LHFPL2: variants seen among roughly 807,000 people sequenced by gnomAD.
The protein encoded by LHFPL2 is LHFPL tetraspan subfamily member 2 protein.
Under a neutral mutation model 17.5 loss-of-function variants are expected in LHFPL2, and 7 were observed. The observed-to-expected ratio is 0.40, with a 90% CI of 0.23 to 0.75. LHFPL2 has a LOEUF of 0.75. LHFPL2 is among the 30% of genes least tolerant of loss of function. The probability of loss-of-function intolerance (pLI) is 0.37; values close to 1 mark genes in which losing one functional copy is unlikely to be tolerated. For synonymous variants in LHFPL2, 134 were observed against 116.2 expected, an observed-to-expected ratio of 1.15 and a Z score of -0.99; for missense variants, 241 against 294.8, an observed-to-expected ratio of 0.82 and a Z score of 1.34.
chr5:78,599,941 C>T (rs565675054), intron 2 of LHFPL2, among the ~76,000 whole-genome samples: 1 of 152,216 alleles, frequency 6.6e-6, no homozygotes, highest in Admixed American at 6.5e-5. Flanking sequence ...AGTCAAATCT[C>T]TGACTACAAG....
chr5:78,640,587 C>G (rs137867825), intron 1 of LHFPL2, among the ~76,000 whole-genome samples: 8 of 152,322 alleles, frequency 5.3e-5, no homozygotes, highest in African/African-American at 1.7e-4. Flanking sequence ...AACCAAAATA[C>G]TTCCCCAGCT....
intron 2 of LHFPL2, among the ~76,000 whole-genome samples, chr5:78,588,377 A>G (rs894738777): frequency 1.3e-5 from 2 of 152,222 alleles, no homozygotes; most frequent in African/African-American, 2.4e-5. Context: ...CTTTAAAAAA[A>G]TTTCTGAACT....
At chr5:78,494,552 T>C in intron 4 of LHFPL2, 5 of 984,026 alleles carry the variant, frequency 5.1e-6, no homozygotes, top group Non-Finnish European at 6.0e-6. Flanking sequence ...AAAAAACAAA[T>C]GAAAAGCTGA....
intron 2 of LHFPL2, among the ~76,000 whole-genome samples, chr5:78,594,055 A>G (rs1743740698): frequency 6.6e-6 from 1 of 152,246 alleles, no homozygotes; most frequent in Non-Finnish European, 1.5e-5. Flanking sequence ...GTACTATTTT[A>G]TGCACTGACA....
intron 1 of LHFPL2, among the ~76,000 whole-genome samples, chr5:78,639,299 T>C (rs886195518): frequency 1.3e-5 from 2 of 152,188 alleles, no homozygotes; most frequent in African/African-American, 2.4e-5. Context: ...CATGCTGCCC[T>C]TTCTTTACAA....
At chr5:78,509,066 T>TTC (rs1755022315) in intron 4 of LHFPL2, among the ~76,000 whole-genome samples, 1 of 152,206 alleles carries the variant, frequency 6.6e-6, no homozygotes, top group Non-Finnish European at 1.5e-5. Flanking sequence ...GCTCACAACC[T>TTC]TCTCCCTGGG....
At chr5:78,616,692 G>A (rs1744627024) in intron 2 of LHFPL2, among the ~76,000 whole-genome samples, 1 of 152,130 alleles carries the variant, frequency 6.6e-6, no homozygotes, top group Admixed American at 6.5e-5. Flanking sequence ...CCTTTGCTAG[G>A]AGAGAACTAT....
chr5:78,579,144 A>G (rs1757214605), intron 2 of LHFPL2, among the ~76,000 whole-genome samples: 1 of 152,190 alleles, frequency 6.6e-6, no homozygotes, highest in South Asian at 2.1e-4. Flanking sequence ...TAAGCAAAGC[A>G]AAACACCCTC....
intron 2 of LHFPL2, among the ~76,000 whole-genome samples, chr5:78,615,737 T>C (rs915576577): frequency 1.3e-5 from 2 of 152,168 alleles, no homozygotes; most frequent in Non-Finnish European, 2.9e-5. Context: ...TAAGAACCTA[T>C]ACTATCATAA....
At chr5:78,638,043 GT>G (rs768718087) in intron 1 of LHFPL2, among the ~76,000 whole-genome samples, 24 of 152,166 alleles carry the variant, frequency 1.6e-4, no homozygotes, top group Non-Finnish European at 2.9e-4. Flanking sequence ...CCAAAGCCCA[GT>G]TTTTAGGAAG....
chr5:78,585,787 TCA>T (rs965158153), intron 2 of LHFPL2, among the ~76,000 whole-genome samples: 2 of 152,096 alleles, frequency 1.3e-5, no homozygotes, highest in African/African-American at 4.8e-5. Context: ...CATGAAAAAC[TCA>T]CAACAATTTT....
Position 78,488,499 on chromosome 5 carries a change from T to A in LHFPL2, c.*398A>T, listed in dbSNP as rs1754325218. On this transcript the variant is annotated 3_prime_UTR_variant, in exon 5 of 5. Transcript: ENST00000380345. ...AGAACTCCAACCCAAAACCCCATTCTGAGGCAGAGATGCTCACAAGCAAGC... is the reference window on the plus strand; with the variant it reads ...AGAACTCCAACCCAAAACCCCATTCAGAGGCAGAGATGCTCACAAGCAAGC... The A allele has an allele frequency of 4.5e-6, 1 of 223,768 alleles. No individual in the cohort carries two copies. The highest frequency in any genetic ancestry group is 2.3e-5 in the African/African-American group (1 of 44,396). 13.9% of individuals were successfully genotyped at this position (223,768 alleles called of 1,614,324 possible).
chr5:78,589,906 C>A (rs1743567351), intron 2 of LHFPL2, among the ~76,000 whole-genome samples: 9 of 152,188 alleles, frequency 5.9e-5, no homozygotes, highest in Admixed American at 5.9e-4. Context: ...GTTCATTTGA[C>A]AATTATTGTA....
intron 3 of LHFPL2, among the ~76,000 whole-genome samples, chr5:78,510,908 A>G (rs1008043633): frequency 2.0e-5 from 3 of 152,260 alleles, no homozygotes; most frequent in African/African-American, 7.2e-5. Context: ...TTAACAGTAG[A>G]GAGTAGCAAC....
At chr5:78,544,343 G>A (rs1393681117) in intron 3 of LHFPL2, among the ~76,000 whole-genome samples, 1 of 152,178 alleles carries the variant, frequency 6.6e-6, no homozygotes, top group Non-Finnish European at 1.5e-5. Flanking sequence ...ACCTCAGAGG[G>A]TAAAGCAGAG....
At chr5:78,644,413 C>T in intron 1 of LHFPL2, 1 of 750,124 alleles carries the variant, frequency 1.3e-6, no homozygotes, top group Non-Finnish European at 2.3e-6. Context: ...AGCTTCACAG[C>T]CTTTTCATAA....
intron 3 of LHFPL2, among the ~76,000 whole-genome samples, chr5:78,547,424 C>A (rs1756312309): frequency 6.6e-6 from 1 of 152,216 alleles, no homozygotes; most frequent in African/African-American, 2.4e-5. Flanking sequence ...GCTGTGCCAG[C>A]CAGCACACAT....
intron 2 of LHFPL2, among the ~76,000 whole-genome samples, chr5:78,595,714 C>T (rs1189063442): frequency 1.3e-5 from 2 of 152,112 alleles, no homozygotes; most frequent in African/African-American, 2.4e-5. Context: ...CAGGGTCTCA[C>T]TATGTTGACC....
intron 3 of LHFPL2, among the ~76,000 whole-genome samples, chr5:78,543,389 C>T (rs912400551): frequency 1.3e-5 from 2 of 152,186 alleles, no homozygotes; most frequent in African/African-American, 4.8e-5. Context: ...TCAGGTATCA[C>T]CCCAGACAAC....
Sources: gnomAD v4.1 joint callset for allele counts (sites outside exome capture counted in the v4.1 genomes callset) on GRCh38, gnomAD v4.1.1 for gene constraint, MANE v1.5 for transcripts, NCBI Gene and HGNC (gene_info 2026-07-23, HGNC 2026-07-21) for gene names.